The following DCLK2 variants were observed in gnomAD, a reference collection of about 807,000 sequenced individuals.
DCLK2 encodes doublecortin like kinase 2.
A neutral mutation model predicts 78.4 loss-of-function variants in DCLK2; 31 were observed. That is an observed-to-expected ratio of 0.40 (90% CI 0.30 to 0.53). DCLK2 has a LOEUF of 0.53. Among genes scored for constraint, DCLK2 ranks in the 20% least tolerant of loss-of-function variants. The pLI is 0.61. For missense variants in DCLK2, 872 were observed against 973.7 expected (o/e 0.90, Z 1.39); for synonymous variants, 407 against 374.9 (o/e 1.09, Z -0.99).
At chr4:150,104,791 A>G (rs75590730) in intron 2 of DCLK2, among the ~76,000 whole-genome samples, 4,171 of 152,188 alleles carry the variant, frequency 0.027, 153 homozygotes, top group African/African-American at 0.092. Context: ...AAAAATTTCT[A>G]TCTGAAACAA....
chr4:150,127,128 G>T (rs1450468612), intron 2 of DCLK2, among the ~76,000 whole-genome samples: 1 of 152,190 alleles, frequency 6.6e-6, no homozygotes, highest in Non-Finnish European at 1.5e-5. Context: ...GGTGAAGTTA[G>T]TGTTGGTCAC....
intron 2 of DCLK2, among the ~76,000 whole-genome samples, chr4:150,122,576 G>A (rs1037981102): frequency 2.0e-5 from 3 of 152,138 alleles, no homozygotes; most frequent in African/African-American, 7.2e-5. Flanking sequence ...ACACAGGGAG[G>A]GGAACATCAC....
intron 5 of DCLK2, among the ~76,000 whole-genome samples, chr4:150,206,108 A>G (rs1739824053): frequency 6.6e-6 from 1 of 152,234 alleles, no homozygotes; most frequent in Non-Finnish European, 1.5e-5. Flanking sequence ...AGTAATTACA[A>G]CTATGGCTTC....
chr4:150,081,226 A>C (rs571862798), intron 1 of DCLK2, among the ~76,000 whole-genome samples: 1 of 152,244 alleles, frequency 6.6e-6, no homozygotes, highest in Non-Finnish European at 1.5e-5. Flanking sequence ...GATTTACTAC[A>C]TAAAATTGAC....
At chr4:150,168,453 A>G (rs1439452969) in intron 2 of DCLK2, among the ~76,000 whole-genome samples, 2 of 152,022 alleles carry the variant, frequency 1.3e-5, no homozygotes, top group African/African-American at 2.4e-5. Context: ...TTCCTGCTCT[A>G]AAGCTTTTTA....
chr4:150,117,603 C>T (rs1179566729), intron 2 of DCLK2, among the ~76,000 whole-genome samples: 1 of 152,212 alleles, frequency 6.6e-6, no homozygotes, highest in Non-Finnish European at 1.5e-5. Context: ...GCAAGGTCCC[C>T]TGTGAGGTGG....
chr4:150,247,724 G>A (rs761120065), intron 13 of DCLK2, 25 bp downstream of exon 13: 2 of 1,599,398 alleles, frequency 1.3e-6, no homozygotes, highest in Non-Finnish European at 1.7e-6. Context: ...TGTTTCTGTG[G>A]GTTGTATTAC....
chr4:150,205,857 A>C (rs569429769), intron 5 of DCLK2, among the ~76,000 whole-genome samples: 1 of 152,214 alleles, frequency 6.6e-6, no homozygotes, highest in Non-Finnish European at 1.5e-5. Context: ...CCACATGCCA[A>C]GGTCCTTCAT....
In DCLK2 at chr4:150,197,961, T is replaced by C. The variant is rs759874777; in HGVS notation, c.860-41T>C. 3.9e-6 allele frequency: 6 copies of C among 1,550,718 alleles called. No individual in the cohort carries two copies. In the South Asian group the frequency reaches 5.8e-5, roughly 15 times the overall value. On this transcript the variant is annotated intron_variant, in intron 3 of 15. Coordinates refer to ENST00000296550, the MANE Select transcript of DCLK2 (RefSeq NM_001040260.4). ...CATGTAACTCTGCTTTTGGTCGTTA[T>C]TAAAACCAGATTTAGTTAATGCACT...
chr4:150,256,848 C>A lies in DCLK2; in HGVS notation c.*601C>A, dbSNP rs1292954993. The A allele has an allele frequency of 6.6e-6, 1 of 152,500 alleles. No homozygotes were observed. The highest frequency in any genetic ancestry group is 2.1e-4 in the South Asian group (1 of 4,832). The allele number at this position is 152,500 out of a possible 1,614,324, so 9.4% of individuals were successfully genotyped here. On this transcript the variant is annotated 3_prime_UTR_variant, in exon 16 of 16. Transcript: ENST00000296550. ...GACACGGATTGCAGGCTTTGAGAAG[C>A]GCTCAGAGGCCCAGGGCGGCGGGCT...
chr4:150,103,250 A>G (rs1159260418), intron 2 of DCLK2, among the ~76,000 whole-genome samples: 4 of 152,224 alleles, frequency 2.6e-5, no homozygotes, highest in Non-Finnish European at 5.9e-5. Context: ...CCACTTACAT[A>G]TAATAGGGAA....
At chr4:150,236,870 CA>C (rs1742550009) in intron 10 of DCLK2, among the ~76,000 whole-genome samples, 1 of 152,130 alleles carries the variant, frequency 6.6e-6, no homozygotes, top group Non-Finnish European at 1.5e-5. Context: ...AGACATAATT[CA>C]GCAGTTACAG....
intron 2 of DCLK2, among the ~76,000 whole-genome samples, chr4:150,133,118 A>G (rs550838305): frequency 2.1e-4 from 32 of 152,258 alleles, no homozygotes; most frequent in Non-Finnish European, 4.1e-4. Context: ...TCTTTCACTT[A>G]GGAACACCAG....
At chr4:150,246,848 G>GGAT (rs1401967823) in intron 12 of DCLK2, among the ~76,000 whole-genome samples, 1 of 152,142 alleles carries the variant, frequency 6.6e-6, no homozygotes, top group African/African-American at 2.4e-5. Context: ...CAGGTTGGAG[G>GGAT]GATGCCCCTG....
intron 15 of DCLK2, among the ~76,000 whole-genome samples, chr4:150,255,026 C>G (rs1744459578): frequency 6.6e-6 from 1 of 152,206 alleles, no homozygotes; most frequent in Non-Finnish European, 1.5e-5. Flanking sequence ...TGTGGAGAAG[C>G]AGCCATTCCA....
At chr4:150,220,600 G>A in intron 5 of DCLK2, 103 bp from the exon 6 acceptor site, 1 of 917,504 alleles carries the variant, frequency 1.1e-6, no homozygotes, top group South Asian at 1.6e-5. Flanking sequence ...CTCGGTTTCT[G>A]TGACACATTT....
chr4:150,146,251 G>T (rs1235354959), intron 2 of DCLK2, among the ~76,000 whole-genome samples: 1 of 152,156 alleles, frequency 6.6e-6, no homozygotes, highest in Non-Finnish European at 1.5e-5. Context: ...TCAAGGTCTG[G>T]TCCATGGGCC....
intron 1 of DCLK2, among the ~76,000 whole-genome samples, chr4:150,089,359 C>T (rs947960569): frequency 2.6e-5 from 4 of 152,190 alleles, no homozygotes; most frequent in African/African-American, 9.7e-5. Flanking sequence ...GGAGAGTGTT[C>T]AGCAAAGATC....
chr4:150,224,150 A>G (rs1741416348), intron 7 of DCLK2, among the ~76,000 whole-genome samples: 1 of 152,138 alleles, frequency 6.6e-6, no homozygotes. Context: ...TAATTAACAT[A>G]CAGTATGGCT....
Sources: gnomAD v4.1 joint callset for allele counts (sites outside exome capture counted in the v4.1 genomes callset) on GRCh38, gnomAD v4.1.1 for gene constraint, MANE v1.5 for transcripts, NCBI Gene and HGNC (gene_info 2026-07-23, HGNC 2026-07-21) for gene names.